The following CAMK1D variants were observed in gnomAD, a reference collection of about 807,000 sequenced individuals.
The protein encoded by CAMK1D is calcium/calmodulin dependent protein kinase ID.
CAMK1D carries 9 observed loss-of-function variants against 47.7 expected under a neutral mutation model. That is an observed-to-expected ratio of 0.19 (90% confidence interval 0.11 to 0.33). The LOEUF is 0.33. Ranked by LOEUF, CAMK1D falls within the 10% of genes least tolerant of loss-of-function variation. CAMK1D has a pLI of 1.00. For synonymous variants in CAMK1D, 184 were observed against 184.9 expected, an observed-to-expected ratio of 0.99 and a Z score of 0.04; for missense variants, 291 against 488.7, an observed-to-expected ratio of 0.60 and a Z score of 3.81.
At chr10:12,702,213 C>T (rs150121908) in intron 3 of CAMK1D, among the ~76,000 whole-genome samples, 10 of 151,758 alleles carry the variant, frequency 6.6e-5, no homozygotes, top group Non-Finnish European at 1.3e-4. Flanking sequence ...CAACGGAAGA[C>T]GGTGGAGGAC....
chr10:12,802,581 C>T (rs1355119535), intron 6 of CAMK1D, among the ~76,000 whole-genome samples: 3 of 152,140 alleles, frequency 2.0e-5, no homozygotes, highest in Non-Finnish European at 4.4e-5. Flanking sequence ...AGTGCAGTGG[C>T]ACAATCTCAG....
intron 1 of CAMK1D, among the ~76,000 whole-genome samples, chr10:12,548,692 T>G (rs1021353321): frequency 8.6e-5 from 13 of 152,032 alleles, no homozygotes; most frequent in African/African-American, 3.1e-4. Flanking sequence ...ATCAAACTCC[T>G]GGGCTCAAGC....
At chr10:12,511,783 C>T (rs1835048076) in intron 1 of CAMK1D, among the ~76,000 whole-genome samples, 1 of 152,210 alleles carries the variant, frequency 6.6e-6, no homozygotes, top group African/African-American at 2.4e-5. Context: ...CCAGAAGGAT[C>T]GGCTCTCCTG....
rs1348291784 is a variant in CAMK1D at position 12,396,787 on chromosome 10, GCCATGTCCACGT to G, written c.92+46881_92+46892del. On this transcript the variant is annotated intron_variant, in intron 1 of 10. Coordinates refer to ENST00000619168, the MANE Select transcript of CAMK1D (RefSeq NM_153498.4). ...CTTCCAGCCACGTAGGCTCCCCGTG[GCCATGTCCACGT>G]CCACTGGGCAGGCTCCTTGCCTGGT... Among the ~76,000 whole-genome samples, 6 of 152,272 alleles carry G rather than the reference GCCATGTCCACGT, an allele frequency of 3.9e-5. No homozygotes were observed. In the East Asian group the frequency reaches 1.2e-3, roughly 29 times the overall value.
intron 4 of CAMK1D, among the ~76,000 whole-genome samples, chr10:12,768,142 G>T (rs1263423335): frequency 6.6e-6 from 1 of 152,156 alleles, no homozygotes. Context: ...AAAAGTGCTG[G>T]GATTACAGGT....
At chr10:12,787,806 C>T (rs1837800011) in intron 5 of CAMK1D, among the ~76,000 whole-genome samples, 1 of 152,098 alleles carries the variant, frequency 6.6e-6, no homozygotes, top group Admixed American at 6.6e-5. Context: ...TCGAGACCAC[C>T]CTGCCCAACA....
chr10:12,631,232 T>A (rs1839370359), intron 2 of CAMK1D, among the ~76,000 whole-genome samples: 1 of 152,204 alleles, frequency 6.6e-6, no homozygotes, highest in African/African-American at 2.4e-5. Flanking sequence ...TTGTGAGAAA[T>A]GGGAAAGTTC....
intron 2 of CAMK1D, among the ~76,000 whole-genome samples, chr10:12,632,014 C>T (rs149111702): frequency 5.7e-4 from 87 of 152,262 alleles, no homozygotes; most frequent in African/African-American, 1.9e-3. Flanking sequence ...CCACACCGTG[C>T]GAAGGCTGGT....
At chr10:12,453,500 C>T (rs951753297) in intron 1 of CAMK1D, among the ~76,000 whole-genome samples, 1 of 152,084 alleles carries the variant, frequency 6.6e-6, no homozygotes, top group Non-Finnish European at 1.5e-5. Context: ...AATTTTCTTC[C>T]TTTTTAAGGC....
intron 1 of CAMK1D, among the ~76,000 whole-genome samples, chr10:12,507,840 C>G (rs962495803): frequency 2.6e-5 from 4 of 152,076 alleles, no homozygotes; most frequent in African/African-American, 4.8e-5. Flanking sequence ...GAATTTTGAT[C>G]CTTGCTTCTT....
At chr10:12,383,795 A>G (rs935192849) in intron 1 of CAMK1D, among the ~76,000 whole-genome samples, 2 of 152,236 alleles carry the variant, frequency 1.3e-5, no homozygotes, top group South Asian at 4.1e-4. Flanking sequence ...AACTAGCCTC[A>G]GGAGCGACAC....
intron 1 of CAMK1D, among the ~76,000 whole-genome samples, chr10:12,547,682 T>TCTCTCACACACACACACACACA (rs10643491): frequency 9.4e-5 from 11 of 116,508 alleles, no homozygotes; most frequent in Non-Finnish European, 1.5e-4. Flanking sequence ...TTTCTCTCTC[T>TCTCTCACACACACACACACACA]CACACACACA....
chr10:12,393,027 C>CT (rs542625511), intron 1 of CAMK1D, among the ~76,000 whole-genome samples: 23,326 of 143,604 alleles, frequency 0.16, 2,072 homozygotes, highest in East Asian at 0.27. Flanking sequence ...TGAAACATAA[C>CT]TTTTTTTTTT....
chr10:12,753,769 G>A (rs918508565), intron 3 of CAMK1D, among the ~76,000 whole-genome samples: 9 of 152,210 alleles, frequency 5.9e-5, no homozygotes, highest in Admixed American at 1.3e-4. Flanking sequence ...TGTATTCTCC[G>A]AAAGAGTGAG....
chr10:12,746,884 C>A (rs1588880369), intron 3 of CAMK1D, among the ~76,000 whole-genome samples: 1 of 152,160 alleles, frequency 6.6e-6, no homozygotes, highest in Non-Finnish European at 1.5e-5. Context: ...TCTGATACTA[C>A]AATAGATGCC....
At chr10:12,386,448 AAAAC>A (rs1156304353) in intron 1 of CAMK1D, among the ~76,000 whole-genome samples, 3 of 152,056 alleles carry the variant, frequency 2.0e-5, no homozygotes, top group African/African-American at 7.3e-5. Context: ...TGTCTCAAAA[AAAAC>A]AAAACCAAAA....
chr10:12,443,631 T>A (rs1377576972), intron 1 of CAMK1D, among the ~76,000 whole-genome samples: 1 of 147,622 alleles, frequency 6.8e-6, no homozygotes, highest in African/African-American at 2.5e-5. Flanking sequence ...TTTTATTTTA[T>A]TTTTTTTTTT....
rs558748193 is a variant in CAMK1D, at chr10:12,447,361, C to T, written c.92+97451C>T. Among the ~76,000 whole-genome samples, 6 of 152,272 alleles carry T rather than the reference C, an allele frequency of 3.9e-5. No individual in the cohort carries two copies. The South Asian group carries it at 1.2e-3, about 32-fold the overall frequency. On this transcript the variant is annotated intron_variant, in intron 1 of 10. Coordinates refer to ENST00000619168, the MANE Select transcript of CAMK1D (RefSeq NM_153498.4). ...GATATATCATGATGAGAGGCCTCTGCTGGCCACTGGGCAGCCTTCAGATAG... is the reference window on the plus strand; with the variant it reads ...GATATATCATGATGAGAGGCCTCTGTTGGCCACTGGGCAGCCTTCAGATAG...
intron 1 of CAMK1D, among the ~76,000 whole-genome samples, chr10:12,439,827 G>T (rs1832732905): frequency 6.6e-6 from 1 of 152,200 alleles, no homozygotes; most frequent in South Asian, 2.1e-4. Flanking sequence ...AGGTTTAATG[G>T]ACTCACAGTT....
Sources: gnomAD v4.1 joint callset for allele counts (sites outside exome capture counted in the v4.1 genomes callset) on GRCh38, gnomAD v4.1.1 for gene constraint, MANE v1.5 for transcripts, NCBI Gene and HGNC (gene_info 2026-07-23, HGNC 2026-07-21) for gene names.